Variants in SLC13A1 observed in about 807,000 individuals in gnomAD.
SLC13A1 encodes the protein Na(+)/sulfate cotransporter.
Under a neutral mutation model 70.0 loss-of-function variants are expected in SLC13A1, and 65 were observed. That is an observed-to-expected ratio of 0.93 (90% CI 0.76 to 1.14). SLC13A1 has a LOEUF of 1.14. Ranked by LOEUF, SLC13A1 falls within the 50% of genes most tolerant of loss-of-function variation. SLC13A1 has a pLI of 0.00. For synonymous variants in SLC13A1, 275 were observed against 250.5 expected (o/e 1.10, Z -0.92); for missense variants, 726 against 717.8 (o/e 1.01, Z -0.13).
chr7:123,172,050 A>G, intron 2 of SLC13A1, 146 bp from the exon 3 acceptor site: 1 of 736,536 alleles, frequency 1.4e-6, no homozygotes, highest in Non-Finnish European at 2.2e-6. Flanking sequence ...ATGTGTTTGA[A>G]TACAAATTTA....
chr7:123,183,690 T>C (rs1392540756), intron 1 of SLC13A1, among the ~76,000 whole-genome samples: 1 of 152,138 alleles, frequency 6.6e-6, no homozygotes, highest in Non-Finnish European at 1.5e-5. Context: ...CCAGACACAC[T>C]GAATCAATCA....
chr7:123,194,770 A>G (rs1232671813), intron 1 of SLC13A1, among the ~76,000 whole-genome samples: 1 of 152,048 alleles, frequency 6.6e-6, no homozygotes, highest in African/African-American at 2.4e-5. Context: ...AGCATCTGAG[A>G]TGACATACAG....
intron 1 of SLC13A1, 45 bp from the exon 2 acceptor site, chr7:123,181,146 G>T (rs1795626984): frequency 6.3e-7 from 1 of 1,588,394 alleles, no homozygotes; most frequent in Non-Finnish European, 8.6e-7. Context: ...TATGAGGCTG[G>T]AGAAGTCAAC....
intron 7 of SLC13A1, among the ~76,000 whole-genome samples, chr7:123,136,099 C>T (rs974933189): frequency 6.6e-6 from 1 of 152,168 alleles, no homozygotes; most frequent in Non-Finnish European, 1.5e-5. Context: ...AGAAATGCTG[C>T]TTGGATTAGG....
Position 123,166,475 on chromosome 7 carries a change from T to C in SLC13A1, c.660+1899A>G, listed in dbSNP as rs143095873. Among the ~76,000 whole-genome samples the C allele has an allele frequency of 6.8e-3, 1,042 of 152,244 alleles. 14 individuals are homozygous for C. Among genetic ancestry groups the C allele is most frequent in the African/African-American group, 0.024 (993 of 41,536 alleles). On this transcript the variant is annotated intron_variant, in intron 6 of 14. Coordinates refer to ENST00000194130, the MANE Select transcript of SLC13A1 (RefSeq NM_022444.4). ...TAGTTACATATGTATACATGTGCCATGTTGGTGTGCTGAACCCAGTAACTT... is the reference window on the plus strand; with the variant it reads ...TAGTTACATATGTATACATGTGCCACGTTGGTGTGCTGAACCCAGTAACTT...
intron 4 of SLC13A1, among the ~76,000 whole-genome samples, 179 bp from the exon 5 acceptor site, chr7:123,168,740 G>A (rs1409257625): frequency 6.6e-6 from 1 of 152,082 alleles, no homozygotes; most frequent in Non-Finnish European, 1.5e-5. Flanking sequence ...CTTTTTCACT[G>A]CATCAGAGCA....
rs28364202 is a variant in SLC13A1, at chr7:123,129,484, G to A, written c.933-3C>T. The A allele has an allele frequency of 1.2e-6, 2 of 1,610,196 alleles. No homozygotes were observed. The highest frequency in any genetic ancestry group is 1.3e-5 in the African/African-American group (1 of 74,820). On this transcript the variant is annotated splice_region_variant and splice_polypyrimidine_tract_variant and intron_variant, in intron 8 of 14. Coordinates refer to ENST00000194130, the MANE Select transcript of SLC13A1 (RefSeq NM_022444.4). The stretch of plus-strand genomic sequence containing the variant: ...CACATTTGAACATCTCCTTAAAACT[G>A]CAAAGAATAATTAAGCCTGTAAGCA...
chr7:123,182,981 T>G (rs1795687967), intron 1 of SLC13A1, among the ~76,000 whole-genome samples: 1 of 152,102 alleles, frequency 6.6e-6, no homozygotes, highest in African/African-American at 2.4e-5. Flanking sequence ...ATTTTCTATA[T>G]CCAAAGAATC....
intron 1 of SLC13A1, among the ~76,000 whole-genome samples, chr7:123,182,730 G>A (rs1481645119): frequency 6.6e-6 from 1 of 152,052 alleles, no homozygotes; most frequent in Non-Finnish European, 1.5e-5. Context: ...TTTGGGTGGA[G>A]AGTCATAGTC....
Position 123,114,633 on chromosome 7 carries a change from T to C in SLC13A1, c.*885A>G, listed in dbSNP as rs562736305. 1 of 152,302 alleles carries C rather than the reference T, an allele frequency of 6.6e-6. No individual in the cohort carries two copies. Among genetic ancestry groups the C allele is most frequent in the Admixed American group, 6.5e-5 (1 of 15,300 alleles). The allele number at this position is 152,302 out of a possible 1,614,324, so 9.4% of individuals were successfully genotyped here. Reference sequence around the variant, plus strand: ...TCTACATCTCTTTATTTTTAACATATGACATTATGTATTTCTGAACTAAGA... The same window carrying C: ...TCTACATCTCTTTATTTTTAACATACGACATTATGTATTTCTGAACTAAGA... On this transcript the variant is annotated 3_prime_UTR_variant, in exon 15 of 15. Transcript: ENST00000194130.
chr7:123,124,154 G>C (rs1329464630), intron 11 of SLC13A1, among the ~76,000 whole-genome samples: 5 of 152,078 alleles, frequency 3.3e-5, no homozygotes, highest in Non-Finnish European at 1.5e-5. Context: ...CTTTAGCAGG[G>C]AGAAGAGGTT....
intron 6 of SLC13A1, among the ~76,000 whole-genome samples, chr7:123,165,917 C>T (rs1795057072): frequency 6.6e-6 from 1 of 152,080 alleles, no homozygotes; most frequent in South Asian, 2.1e-4. Flanking sequence ...TTGTGTCAGG[C>T]AATGGGAATG....
At chr7:123,184,598 A>G (rs1795739763) in intron 1 of SLC13A1, among the ~76,000 whole-genome samples, 1 of 151,878 alleles carries the variant, frequency 6.6e-6, no homozygotes, top group African/African-American at 2.4e-5. Flanking sequence ...TCTTCATTTT[A>G]TGGCTGAATA....
chr7:123,124,656 T>C lies in SLC13A1; in HGVS notation c.1240+913A>G, dbSNP rs1793499395. On this transcript the variant is annotated intron_variant, in intron 11 of 14. Coordinates refer to ENST00000194130, the MANE Select transcript of SLC13A1 (RefSeq NM_022444.4). ...CATGCTGTGTTGTAAAGCAAAGATA[T>C]GGATGAATCTTGTGTTTAAAAAGTG... Among the ~76,000 whole-genome samples the C allele has an allele frequency of 3.3e-5, 5 of 152,084 alleles. No individual in the cohort carries two copies. In the South Asian group the frequency reaches 1.0e-3, roughly 31 times the overall value.
intron 13 of SLC13A1, among the ~76,000 whole-genome samples, chr7:123,118,373 C>T (rs893241253): frequency 6.6e-6 from 1 of 152,148 alleles, no homozygotes; most frequent in Non-Finnish European, 1.5e-5. Flanking sequence ...CAATCAGCAG[C>T]TTATGAACAC....
chr7:123,131,800 CTCA>C (rs1454449278), intron 8 of SLC13A1, among the ~76,000 whole-genome samples: 2 of 152,204 alleles, frequency 1.3e-5, no homozygotes, highest in Admixed American at 6.5e-5. Context: ...AAACATACCA[CTCA>C]TCATGATTTA....
rs769194372 is a variant in SLC13A1 at position 123,147,142 on chromosome 7, C to A, written c.812+17G>T. 6.2e-7 allele frequency: 1 copy of A among 1,607,890 alleles called. No homozygotes were observed. The highest frequency in any genetic ancestry group is 1.7e-5 in the Admixed American group (1 of 58,808). On this transcript the variant is annotated intron_variant, in intron 7 of 14. Coordinates refer to ENST00000194130, the MANE Select transcript of SLC13A1 (RefSeq NM_022444.4). ...GCTGCCCTTATGTTAAATCACCAAT[C>A]CAATAAGGTTACTTACGTATTGAAA...
chr7:123,186,897 C>G (rs2116644710), intron 1 of SLC13A1: 1 of 279,534 alleles, frequency 3.6e-6, no homozygotes, highest in East Asian at 1.1e-4. Flanking sequence ...TAAAGATTTA[C>G]AGTTATGACT....
Position 123,123,121 on chromosome 7 carries a change from A to G in SLC13A1, c.1350+5T>C, listed in dbSNP as rs761782487. The G allele has an allele frequency of 1.1e-5, 17 of 1,581,638 alleles. No homozygotes were observed. In the East Asian group the frequency reaches 3.1e-4, roughly 29 times the overall value. Reference sequence around the variant, plus strand: ...TTGTTAAATATCTTACACACAGAGTATTACCTCACAACCATCTGCCAGGGC... The same window carrying G: ...TTGTTAAATATCTTACACACAGAGTGTTACCTCACAACCATCTGCCAGGGC... On this transcript the variant is annotated splice_donor_5th_base_variant and intron_variant, in intron 12 of 14. Transcript: ENST00000194130.
Sources: gnomAD v4.1 joint callset for allele counts (sites outside exome capture counted in the v4.1 genomes callset) on GRCh38, gnomAD v4.1.1 for gene constraint, MANE v1.5 for transcripts, NCBI Gene and HGNC (gene_info 2026-07-23, HGNC 2026-07-21) for gene names.